MFSD12: variants seen among roughly 807,000 people sequenced by gnomAD.
MFSD12 encodes the protein major facilitator superfamily domain containing 12.
Under a neutral mutation model 51.2 loss-of-function variants are expected in MFSD12, and 67 were observed. The ratio of observed to expected loss-of-function variants is 1.31; its 90% CI spans 1.08 to 1.60. The LOEUF (loss-of-function observed/expected upper bound fraction) is 1.60. Among genes scored for constraint, MFSD12 ranks in the 40% most tolerant of loss-of-function variants. The pLI is 0.00. For missense variants in MFSD12, 921 were observed against 673.0 expected (o/e 1.37, Z -4.08); for synonymous variants, 441 against 316.7 (o/e 1.39, Z -4.17).
At chr19:3,546,709 G>C (rs1420875687) in intron 6 of MFSD12, among the ~76,000 whole-genome samples, 1 of 152,208 alleles carries the variant, frequency 6.6e-6, no homozygotes, top group African/African-American at 2.4e-5. Context: ...CAGTCCCCAC[G>C]GCCACATTTC....
In MFSD12 at chr19:3,544,377, G is replaced by A. The variant is rs2030756373; in HGVS notation, c.*333C>T. 7.8e-7 allele frequency: 1 copy of A among 1,289,860 alleles called. No homozygotes were observed. 79.9% of individuals were successfully genotyped at this position (1,289,860 alleles called of 1,614,324 possible). On this transcript the variant is annotated 3_prime_UTR_variant, in exon 10 of 10. Coordinates refer to ENST00000355415, the MANE Select transcript of MFSD12 (RefSeq NM_174983.5). ...GACCCCCAGGCTGGAGGTGAGGGGT[G>A]AACTGGACTGAGCTCAGGGTTAGGG...
chr19:3,547,370 G>A lies in MFSD12; in HGVS notation c.931-6C>T. The stretch of plus-strand genomic sequence containing the variant: ...GGAATGGTCGCGATGAACTTCTGCG[G>A]AGGCAGAGCCAGGCATGCCGTGTCA... On this transcript the variant is annotated splice_region_variant and splice_polypyrimidine_tract_variant and intron_variant, in intron 5 of 9. Coordinates refer to ENST00000355415, the MANE Select transcript of MFSD12 (RefSeq NM_174983.5). 1 of 1,613,216 alleles carries A rather than the reference G, an allele frequency of 6.2e-7. No homozygotes were observed. The highest frequency in any genetic ancestry group is 8.5e-7 in the Non-Finnish European group (1 of 1,179,912).
chr19:3,543,027 G>A, downstream of MFSD12: 3 of 1,606,456 alleles, frequency 1.9e-6, no homozygotes, highest in African/African-American at 1.3e-5. Flanking sequence ...GGTGCGATGT[G>A]TGGGGAGAGG....
rs748141664 is a variant in MFSD12, at chr19:3,557,342, G to A, written c.62C>T (p.Ala21Val). Reference sequence around the variant, plus strand: ...GTGGCCCACGGCGTAGCTCAGCCGCGCCACCAGGGACAGCGGCCGCGGGGA... The same window carrying A: ...GTGGCCCACGGCGTAGCTCAGCCGCACCACCAGGGACAGCGGCCGCGGGGA... Reference protein sequence around the residue: ...APSPRPLSLVARLSYAVGHFL... With the variant: ...APSPRPLSLVVRLSYAVGHFL... The change falls in exon 1 of 10, where the codon GCG becomes GTG. Residue 21 changes from alanine to valine, a missense_variant. Physicochemically the swap from Ala to Val is moderately conservative, Grantham distance 64. Transcript: ENST00000355415. 7.1e-6 allele frequency: 11 copies of A among 1,545,826 alleles called. No individual in the cohort carries two copies. In the South Asian group the frequency reaches 8.4e-5, roughly 12 times the overall value.
intron 2 of MFSD12, among the ~76,000 whole-genome samples, chr19:3,550,442 A>G (rs1249789027): frequency 1.3e-5 from 2 of 150,980 alleles, no homozygotes; most frequent in Admixed American, 6.6e-5. Flanking sequence ...CCCAGGCTGG[A>G]GTGCAGTGGC....
At chr19:3,550,879 G>A in intron 2 of MFSD12, 105 bp downstream of exon 2, 1 of 903,656 alleles carries the variant, frequency 1.1e-6, no homozygotes, top group Non-Finnish European at 1.7e-6. Context: ...AAGACTGCCT[G>A]GTCTCGAGCT....
At chr19:3,557,049 C>T in intron 1 of MFSD12, 57 bp downstream of exon 1, 2 of 1,308,258 alleles carry the variant, frequency 1.5e-6, no homozygotes, top group Admixed American at 4.4e-5. Flanking sequence ...GAGGAGGCGC[C>T]CGGGTCGCGG....
downstream of MFSD12, chr19:3,539,342 T>G (rs2030165629): frequency 1.2e-6 from 1 of 868,470 alleles, no homozygotes; most frequent in East Asian, 2.7e-5. Flanking sequence ...GTGTTTGGTT[T>G]GGGGTCTTGC....
chr19:3,554,511 ATG>A (rs953729381), intron 1 of MFSD12, among the ~76,000 whole-genome samples: 2 of 151,684 alleles, frequency 1.3e-5, no homozygotes, highest in African/African-American at 4.8e-5. Context: ...GATAGAGTTC[ATG>A]TGTGGCACCA....
In MFSD12 at chr19:3,544,879, C is replaced by A. The variant is rs373903338; in HGVS notation, c.1350G>T (p.Thr450=). The stretch of plus-strand genomic sequence containing the variant: ...GGGCAGCGGCCACGCCCACGCCGCC[C>A]GTCACAGCCACCATCGCCCAGTGGT... ...SFYHWAMVAV[T]GGVGVAAALC... is the part of the protein sequence containing the mutation. The change falls in exon 9 of 10, where the codon ACG becomes ACT. Residue 450 remains threonine, a synonymous_variant. Coordinates refer to ENST00000355415, the MANE Select transcript of MFSD12 (RefSeq NM_174983.5). 2.0e-5 allele frequency: 33 copies of A among 1,611,696 alleles called. No homozygotes were observed. Among genetic ancestry groups the A allele is most frequent in the Non-Finnish European group, 2.6e-5 (31 of 1,179,476 alleles).
downstream of MFSD12, chr19:3,542,349 C>T: frequency 1.0e-6 from 1 of 985,430 alleles, no homozygotes. Context: ...GCTTTCCGTG[C>T]AGGGCAGATG....
At position 3,547,335 on chromosome 19, in the gene MFSD12, C is replaced by A. The variant is rs1213684047; in HGVS notation, c.960G>T (p.Met320Ile). The change falls in exon 6 of 10, where the codon ATG (methionine) becomes ATT (isoleucine). Residue 320 changes from methionine to isoleucine, a missense_variant. Transcript: ENST00000355415. ...AGGAGGACAAGAAGCCGCTGAGGTA[C>A]ATCACCAGGGGAATGGTCGCGATGA... is the stretch of plus-strand genomic sequence containing the variant. ...KKFIATIPLVMYLSGFLSSFL... is the reference protein window; with the variant it reads ...KKFIATIPLVIYLSGFLSSFL... 6.2e-7 allele frequency: 1 copy of A among 1,613,392 alleles called. No homozygotes were observed. The highest frequency in any genetic ancestry group is 1.7e-5 in the Admixed American group (1 of 60,024).
intron 8 of MFSD12, among the ~76,000 whole-genome samples, chr19:3,545,144 C>T (rs1177030203): frequency 6.6e-6 from 1 of 152,200 alleles, no homozygotes; most frequent in Non-Finnish European, 1.5e-5. Context: ...CATGCCAAAT[C>T]CACCATGTCT....
intron 8 of MFSD12, 89 bp downstream of exon 8, chr19:3,545,985 C>T (rs2030987041): frequency 3.6e-6 from 5 of 1,398,146 alleles, no homozygotes; most frequent in South Asian, 1.2e-5. Flanking sequence ...CAGCTGGATG[C>T]CCAGACCCAG....
chr19:3,549,012 G>A (rs975268101), intron 2 of MFSD12, among the ~76,000 whole-genome samples: 6 of 152,294 alleles, frequency 3.9e-5, no homozygotes, highest in South Asian at 4.1e-4. Flanking sequence ...CCTGGCTTTG[G>A]GCACCAGCTG....
intron 2 of MFSD12, 94 bp from the exon 3 acceptor site, chr19:3,548,361 C>A (rs1292117407): frequency 1.4e-6 from 2 of 1,473,962 alleles, no homozygotes; most frequent in South Asian, 2.5e-5. Context: ...CCTGGGGAAC[C>A]CCTGACTGAC....
chr19:3,538,869 G>T (rs2030117447), intron 4 of MFSD12: 1 of 604,566 alleles, frequency 1.7e-6, no homozygotes, highest in Non-Finnish European at 3.2e-6. Context: ...AAGGGGCAGG[G>T]GGAGACAGAA....
chr19:3,542,862 G>T (rs2030534759), downstream of MFSD12: 1 of 1,387,928 alleles, frequency 7.2e-7, no homozygotes, highest in Non-Finnish European at 9.7e-7. Flanking sequence ...TCCAGGCCAG[G>T]GGGGCTTCCC....
At chr19:3,545,047 A>G (rs1451078529) in intron 8 of MFSD12, 108 bp from the exon 9 acceptor site, 5 of 1,415,186 alleles carry the variant, frequency 3.5e-6, no homozygotes, top group South Asian at 1.4e-5. Flanking sequence ...GTCCTGTCCA[A>G]TCCAGGAGCT....
Sources: allele counts gnomAD v4.1 joint callset (sites outside exome capture counted in the v4.1 genomes callset), GRCh38; gene constraint gnomAD v4.1.1; transcripts MANE v1.5; gene names NCBI Gene and HGNC (gene_info 2026-07-23, HGNC 2026-07-21).